Variants in CLIC5 observed in about 807,000 individuals in gnomAD.
The protein encoded by CLIC5 is chloride intracellular channel protein 5.
Under a neutral mutation model 24.7 loss-of-function variants are expected in CLIC5, and 20 were observed. That is an observed-to-expected ratio of 0.81 (90% CI 0.57 to 1.18). CLIC5 has a LOEUF of 1.18. Ranked by LOEUF, CLIC5 falls within the 50% of genes most tolerant of loss-of-function variation. CLIC5 has a pLI of 0.00. For missense variants in CLIC5, 341 were observed against 326.1 expected (o/e 1.05, Z -0.35); for synonymous variants, 159 against 135.6 (o/e 1.17, Z -1.20).
At chr6:45,995,034 G>A (rs1289263095) in intron 1 of CLIC5, among the ~76,000 whole-genome samples, 1 of 152,088 alleles carries the variant, frequency 6.6e-6, no homozygotes, top group Non-Finnish European at 1.5e-5. Flanking sequence ...TGGGAAGAAA[G>A]AATTAAAGAA....
chr6:45,949,158 C>T, intron 3 of CLIC5, 98 bp downstream of exon 3: 4 of 1,458,774 alleles, frequency 2.7e-6, no homozygotes, highest in Non-Finnish European at 3.7e-6. Flanking sequence ...TGGTGAGGTT[C>T]CTTTGGAAAT....
intron 1 of CLIC5, among the ~76,000 whole-genome samples, chr6:46,042,052 G>A (rs989952400): frequency 6.6e-6 from 1 of 152,088 alleles, no homozygotes; most frequent in African/African-American, 2.4e-5. Context: ...TTTTTGACTT[G>A]CTGTGACTCT....
the CLIC5 span, among the ~76,000 whole-genome samples, chr6:46,119,364 T>C: frequency 1.3e-5 from 2 of 152,272 alleles, no homozygotes; most frequent in African/African-American, 4.8e-5. Context: ...CTTGATAGTA[T>C]AGTGCAAACA....
intron 1 of CLIC5, among the ~76,000 whole-genome samples, chr6:45,958,441 T>TATATACACACACACACAC (rs1278907089): frequency 5.6e-5 from 1 of 17,944 alleles, no homozygotes; most frequent in African/African-American, 2.3e-4. Context: ...TATATATATA[T>TATATACACACACACACAC]ATATATATAT....
the CLIC5 span, among the ~76,000 whole-genome samples, chr6:46,085,698 C>T: frequency 6.6e-6 from 1 of 152,228 alleles, no homozygotes; most frequent in Non-Finnish European, 1.5e-5. Context: ...GGGGGTGCCT[C>T]CCAGTTAGGC....
At chr6:45,908,920 G>T in intron 5 of CLIC5, among the ~76,000 whole-genome samples, 1 of 152,108 alleles carries the variant, frequency 6.6e-6, no homozygotes, top group East Asian at 1.9e-4. Context: ...CTTTTCATAG[G>T]TCTAGAAGTA....
At chr6:45,912,065 G>A (rs1028473395) in intron 5 of CLIC5, 31 of 985,954 alleles carry the variant, frequency 3.1e-5, no homozygotes, top group Admixed American at 1.2e-4. Context: ...GAGATCTGAC[G>A]TTCGCAGGGA....
At chr6:45,963,103 C>A (rs1405635504) in intron 1 of CLIC5, among the ~76,000 whole-genome samples, 1 of 152,192 alleles carries the variant, frequency 6.6e-6, no homozygotes, top group East Asian at 1.9e-4. Context: ...TCTTTTAAAC[C>A]TCTTGCCAGC....
At chr6:46,040,238 G>T (rs1767768862) in intron 1 of CLIC5, among the ~76,000 whole-genome samples, 1 of 152,168 alleles carries the variant, frequency 6.6e-6, no homozygotes, top group Admixed American at 6.5e-5. Flanking sequence ...GATGGTGACG[G>T]TAGCATGTGA....
chr6:45,930,537 A>G (rs929750903), intron 4 of CLIC5, among the ~76,000 whole-genome samples: 9 of 152,196 alleles, frequency 5.9e-5, no homozygotes, highest in Admixed American at 6.5e-5. Flanking sequence ...GAATCTTTGT[A>G]TAGGAAGACC....
At chr6:45,917,769 T>C (rs912731063) in intron 4 of CLIC5, among the ~76,000 whole-genome samples, 8 of 152,200 alleles carry the variant, frequency 5.3e-5, no homozygotes, top group Non-Finnish European at 1.2e-4. Context: ...AATTTAATGA[T>C]CTCTTTTGAC....
At chr6:46,063,139 G>C (rs1762339402) in intron 1 of CLIC5, among the ~76,000 whole-genome samples, 1 of 152,192 alleles carries the variant, frequency 6.6e-6, no homozygotes, top group Non-Finnish European at 1.5e-5. Flanking sequence ...TGCTATAGCT[G>C]TCATCTCACA....
At chr6:45,928,734 C>T (rs529175840) in intron 4 of CLIC5, among the ~76,000 whole-genome samples, 1 of 151,394 alleles carries the variant, frequency 6.6e-6, no homozygotes, top group Admixed American at 6.6e-5. Context: ...TTTGCCAGTA[C>T]ATAAGAACAT....
At chr6:46,056,347 A>T (rs927185947) in intron 1 of CLIC5, among the ~76,000 whole-genome samples, 1 of 152,128 alleles carries the variant, frequency 6.6e-6, no homozygotes, top group Admixed American at 6.5e-5. Context: ...TGGACAAATA[A>T]TGTAGAATAA....
chr6:46,080,214 T>C, exon 1 of CLIC5: 2 of 1,551,628 alleles, frequency 1.3e-6, no homozygotes, highest in African/African-American at 1.4e-5. Context: ...GATTGTGTCA[T>C]AGATGGTGCT....
At chr6:46,015,187 G>C (rs1340402326) in intron 1 of CLIC5, among the ~76,000 whole-genome samples, 2 of 152,218 alleles carry the variant, frequency 1.3e-5, no homozygotes, top group Non-Finnish European at 2.9e-5. Flanking sequence ...CCTGAATCGC[G>C]TCCGGGCTGG....
intron 1 of CLIC5, among the ~76,000 whole-genome samples, chr6:46,022,469 A>T (rs1767211780): frequency 6.6e-6 from 1 of 152,204 alleles, no homozygotes; most frequent in African/African-American, 2.4e-5. Flanking sequence ...TCAGAAAGAC[A>T]TTATGCCCTT....
rs562266459 is a variant in CLIC5 at position 45,906,890 on chromosome 6, TG to T, written c.589-3636del. Among the ~76,000 whole-genome samples the T allele has an allele frequency of 2.1e-3, 321 of 152,360 alleles. 3 individuals are homozygous for T. Among genetic ancestry groups the T allele is most frequent in the African/African-American group, 6.8e-3 (283 of 41,588 alleles). ...TTGACTTTTTATACTGAGACTTTAC[TG>T]AAGTTGTTTATCAGTTCCAGAAGCC... On this transcript the variant is annotated intron_variant, in intron 5 of 5. Transcript: ENST00000339561.
intron 2 of CLIC5, among the ~76,000 whole-genome samples, chr6:45,953,603 G>A (rs1258480626): frequency 6.6e-6 from 1 of 151,464 alleles, no homozygotes; most frequent in African/African-American, 2.4e-5. Context: ...AAGAGTGTTG[G>A]GAAGAATGAA....
Sources: allele counts gnomAD v4.1 joint callset (sites outside exome capture counted in the v4.1 genomes callset), GRCh38; gene constraint gnomAD v4.1.1; transcripts MANE v1.5; gene names NCBI Gene and HGNC (gene_info 2026-07-23, HGNC 2026-07-21).